The following MS4A18 variants were observed in gnomAD, a reference collection of about 807,000 sequenced individuals.
MS4A18 encodes the protein membrane-spanning 4-domains subfamily A member 18.
A neutral mutation model predicts 13.1 loss-of-function variants in MS4A18; 27 were observed. The observed-to-expected ratio is 2.06, with a 90% CI of 1.52 to 2.84. The LOEUF is 2.84. Ranked by LOEUF, MS4A18 falls within the 30% of genes most tolerant of loss-of-function variation. The pLI, the probability that MS4A18 is intolerant of heterozygous loss-of-function variation, is 0.00. For missense variants in MS4A18, 307 were observed against 196.4 expected, an observed-to-expected ratio of 1.56 and a Z score of -3.37; for synonymous variants, 126 against 76.5, an observed-to-expected ratio of 1.65 and a Z score of -3.38.
At chr11:60,724,740 C>T (rs1263626609), upstream of MS4A18, among the ~76,000 whole-genome samples, 5 of 152,212 alleles carry the variant, frequency 3.3e-5, no homozygotes, top group African/African-American at 4.8e-5. Flanking sequence ...GATCAGGCTG[C>T]AGAAACCCAC....
chr11:60,729,429 A>G, exon 1 of MS4A18: 1 of 702,824 alleles, frequency 1.4e-6, no homozygotes, highest in Non-Finnish European at 2.6e-6. Context: ...TGCAGCCTTC[A>G]GAGGTGACCA....
intron 5 of MS4A18, among the ~76,000 whole-genome samples, chr11:60,741,709 C>T (rs1039011833): frequency 3.3e-5 from 5 of 151,998 alleles, no homozygotes; most frequent in Non-Finnish European, 7.4e-5. Context: ...GGATTTGTAA[C>T]CAGTATTGCA....
At chr11:60,730,823 G>A (rs746113682) in intron 1 of MS4A18, among the ~76,000 whole-genome samples, 10 of 152,196 alleles carry the variant, frequency 6.6e-5, no homozygotes, top group African/African-American at 9.7e-5. Flanking sequence ...GGCCGGACAC[G>A]GTGGCTCATG....
chr11:60,727,640 G>T (rs1033331493), upstream of MS4A18, among the ~76,000 whole-genome samples: 1 of 152,038 alleles, frequency 6.6e-6, no homozygotes, highest in African/African-American at 2.4e-5. Flanking sequence ...ATACCTCTGG[G>T]GTCCTGCACA....
At chr11:60,736,598 T>C (rs1015916989) in intron 2 of MS4A18, among the ~76,000 whole-genome samples, 8 of 152,060 alleles carry the variant, frequency 5.3e-5, no homozygotes, top group African/African-American at 1.4e-4. Flanking sequence ...AAGATCACAG[T>C]TGAGGATAGG....
chr11:60,737,232 G>A (rs1460431667), intron 3 of MS4A18, among the ~76,000 whole-genome samples, 198 bp downstream of exon 4: 2 of 152,210 alleles, frequency 1.3e-5, no homozygotes, highest in African/African-American at 2.4e-5. Flanking sequence ...GAAAATTGAG[G>A]AGCAGAGAGG....
At chr11:60,731,605 T>A (rs938386782) in intron 1 of MS4A18, among the ~76,000 whole-genome samples, 1 of 152,244 alleles carries the variant, frequency 6.6e-6, no homozygotes, top group African/African-American at 2.4e-5. Flanking sequence ...ATTCTATTTA[T>A]AGCATTCTGT....
upstream of MS4A18, chr11:60,729,181 T>C (rs1853211301): frequency 1.7e-6 from 1 of 601,746 alleles, no homozygotes; most frequent in Non-Finnish European, 3.0e-6. Flanking sequence ...GAAGTTTATT[T>C]TGTCTGGTAC....
At chr11:60,733,629 G>A (rs117959266) in exon 2 of MS4A18, 10,156 of 703,590 alleles carry the variant, frequency 0.014, 95 homozygotes, top group Non-Finnish European at 0.02. Context: ...CAGGGTACCC[G>A]CTCTGGGGAG....
At chr11:60,727,748 G>A (rs1398421240), upstream of MS4A18, among the ~76,000 whole-genome samples, 2 of 152,162 alleles carry the variant, frequency 1.3e-5, no homozygotes, top group Non-Finnish European at 2.9e-5. Flanking sequence ...AACAAGTAAA[G>A]TACACTAGTA....
chr11:60,730,877 A>G lies in MS4A18; in HGVS notation c.477+1085A>G, dbSNP rs979383376. Among the ~76,000 whole-genome samples, 3 of 152,170 alleles carry G rather than the reference A, an allele frequency of 2.0e-5. No individual in the cohort carries two copies. The South Asian group carries it at 6.2e-4, about 31-fold the overall frequency. On this transcript the variant is annotated intron_variant, in intron 1 of 5. Transcript: ENST00000529108. ...TGGGAGGCCAAGGCAGGCAGATTAC[A>G]AGGTCAGGAAATCGAGACCATCCTG... is the stretch of plus-strand genomic sequence containing the variant.
chr11:60,731,805 C>T (rs1853257010), intron 1 of MS4A18, among the ~76,000 whole-genome samples: 1 of 152,164 alleles, frequency 6.6e-6, no homozygotes, highest in Admixed American at 6.5e-5. Context: ...GTTTAGAAAT[C>T]ACTCGAAAAA....
At chr11:60,732,677 G>A (rs988520838) in intron 1 of MS4A18, among the ~76,000 whole-genome samples, 1 of 145,738 alleles carries the variant, frequency 6.9e-6, no homozygotes, top group African/African-American at 2.6e-5. Context: ...CTTGCAGTGA[G>A]CCAAGATCAC....
chr11:60,739,597 T>C (rs543799602), intron 4 of MS4A18, among the ~76,000 whole-genome samples: 43 of 152,086 alleles, frequency 2.8e-4, no homozygotes, highest in Admixed American at 2.5e-3. Flanking sequence ...ATATGTGCCT[T>C]AGCTACACCC....
At chr11:60,734,251 G>A (rs998704498) in intron 2 of MS4A18, among the ~76,000 whole-genome samples, 1 of 151,974 alleles carries the variant, frequency 6.6e-6, no homozygotes, top group Non-Finnish European at 1.5e-5. Flanking sequence ...GTGAGAGCCT[G>A]TCTCAAAGGA....
chr11:60,744,617 C>T (rs993766524), downstream of MS4A18, among the ~76,000 whole-genome samples: 1 of 152,112 alleles, frequency 6.6e-6, no homozygotes, highest in Non-Finnish European at 1.5e-5. Flanking sequence ...AATCATATAT[C>T]TGACAAAGGA....
upstream of MS4A18, among the ~76,000 whole-genome samples, chr11:60,728,751 C>G (rs949162507): frequency 1.3e-5 from 2 of 151,826 alleles, no homozygotes; most frequent in African/African-American, 4.8e-5. Flanking sequence ...TTTTATCTCT[C>G]CCTCCCCCAA....
chr11:60,738,927 T>A (rs967708886), exon 4 of MS4A18: 6 of 703,224 alleles, frequency 8.5e-6, no homozygotes, highest in Middle Eastern at 2.3e-4. Context: ...AGCTTCAACA[T>A]CATCAGCGCA....
At chr11:60,736,937 C>T (rs1331297239) in intron 2 of MS4A18, 41 bp from the exon 4 acceptor site, 1 of 691,010 alleles carries the variant, frequency 1.4e-6, no homozygotes, top group East Asian at 2.7e-5. Context: ...TAACATGCTG[C>T]ACAATTGGTC....
Sources: gnomAD v4.1 joint callset for allele counts (sites outside exome capture counted in the v4.1 genomes callset) on GRCh38, gnomAD v4.1.1 for gene constraint, MANE v1.5 for transcripts, NCBI Gene and HGNC (gene_info 2026-07-23, HGNC 2026-07-21) for gene names.